TBC1D30: variants seen among roughly 807,000 people sequenced by gnomAD.
TBC1D30 encodes the protein TBC1 domain family member 30.
TBC1D30 carries 31 observed loss-of-function variants against 63.2 expected under a neutral mutation model. The observed-to-expected ratio is 0.49, with a 90% CI of 0.37 to 0.66. The LOEUF is 0.66. Among genes scored for constraint, TBC1D30 ranks in the 30% least tolerant of loss-of-function variants. TBC1D30 has a pLI of 0.00. For missense variants in TBC1D30, 810 were observed against 953.6 expected, an observed-to-expected ratio of 0.85 and a Z score of 1.98; for synonymous variants, 307 against 361.5, an observed-to-expected ratio of 0.85 and a Z score of 1.71.
chr12:64,825,971 G>A (rs1252684378), intron 1 of TBC1D30, among the ~76,000 whole-genome samples: 1 of 152,202 alleles, frequency 6.6e-6, no homozygotes, highest in East Asian at 1.9e-4. Flanking sequence ...GTGGGATGCG[G>A]CACTGCCTTT....
intron 8 of TBC1D30, among the ~76,000 whole-genome samples, chr12:64,853,173 CAG>C (rs1265440647): frequency 6.6e-6 from 1 of 152,190 alleles, no homozygotes; most frequent in Non-Finnish European, 1.5e-5. Context: ...GCCTTTCTTT[CAG>C]AGATACCCTG....
At chr12:64,834,806 T>C (rs1232941928) in intron 5 of TBC1D30, among the ~76,000 whole-genome samples, 1 of 148,054 alleles carries the variant, frequency 6.8e-6, no homozygotes, top group African/African-American at 2.5e-5. Flanking sequence ...ACATCAGACA[T>C]TGAGATGCCT....
intron 2 of TBC1D30, among the ~76,000 whole-genome samples, chr12:64,799,634 A>G (rs1245109583): frequency 6.6e-6 from 1 of 152,246 alleles, no homozygotes; most frequent in Non-Finnish European, 1.5e-5. Flanking sequence ...CTCCAATAAC[A>G]TGCAAGAAGA....
At chr12:64,773,684 G>A in intron 1 of TBC1D30, among the ~76,000 whole-genome samples, 1 of 152,190 alleles carries the variant, frequency 6.6e-6, no homozygotes, top group South Asian at 2.1e-4. Flanking sequence ...GATACTTCCA[G>A]GTACTGGAAA....
chr12:64,824,814 C>T lies in TBC1D30; in HGVS notation c.-66C>T. On this transcript the variant is annotated 5_prime_UTR_variant, in exon 1 of 12. Transcript: ENST00000539867. ...TCACCCAGCTCCGCGAGCTCAGCCG[C>T]TCAGCGAGTGGGGTAGCGGGGACCG... The T allele has an allele frequency of 2.0e-6, 3 of 1,497,318 alleles. No individual in the cohort carries two copies. Among genetic ancestry groups the T allele is most frequent in the Non-Finnish European group, 2.7e-6 (3 of 1,125,920 alleles). 92.8% of individuals were successfully genotyped at this position (1,497,318 alleles called of 1,614,324 possible).
At chr12:64,865,991 T>A (rs1326686216) in intron 9 of TBC1D30, among the ~76,000 whole-genome samples, 3 of 152,126 alleles carry the variant, frequency 2.0e-5, no homozygotes, top group Non-Finnish European at 4.4e-5. Flanking sequence ...CACCTTAGTC[T>A]CCTAAGTAGC....
At chr12:64,788,230 G>C (rs1871714666) in intron 2 of TBC1D30, among the ~76,000 whole-genome samples, 1 of 150,368 alleles carries the variant, frequency 6.7e-6, no homozygotes, top group Non-Finnish European at 1.5e-5. Context: ...TGTGTGATTT[G>C]TGTGTAGCTA....
rs1463745813 is a variant in TBC1D30 at position 64,864,703 on chromosome 12, A to G, written c.1074A>G (p.Gln358=). The G allele has an allele frequency of 9.8e-6, 15 of 1,536,328 alleles. No homozygotes were observed. In the African/African-American group the frequency reaches 1.5e-4, roughly 15 times the overall value. The change falls in exon 9 of 12, where the codon CAA becomes CAG. Residue 358 remains glutamine, a synonymous_variant. Coordinates refer to ENST00000539867, the MANE Select transcript of TBC1D30 (RefSeq NM_015279.2). ...VYSMAPFPFP[Q]LAELREKYTY... is the part of the protein sequence containing the mutation. ...CCATGGCTCCGTTCCCTTTCCCACA[A>G]TTGGCAGAGTTGAGGGAAAAATACA...
intron 2 of TBC1D30, among the ~76,000 whole-genome samples, chr12:64,813,386 TAACAACAACAAC>T (rs201967839): frequency 1.9e-4 from 29 of 151,456 alleles, no homozygotes; most frequent in African/African-American, 6.8e-4. Context: ...CAAGAGTCCA[TAACAACAACAAC>T]AACAACAACA....
At chr12:64,863,720 ACAAT>A (rs1373890170) in intron 8 of TBC1D30, among the ~76,000 whole-genome samples, 1 of 152,246 alleles carries the variant, frequency 6.6e-6, no homozygotes, top group Non-Finnish European at 1.5e-5. Flanking sequence ...AAGAAGCATC[ACAAT>A]CAAACTCCTT....
intron 2 of TBC1D30, among the ~76,000 whole-genome samples, chr12:64,788,192 GGTGTGT>G (rs61697442): frequency 2.8e-4 from 41 of 145,048 alleles, no homozygotes; most frequent in African/African-American, 7.1e-4. Flanking sequence ...GGTGTGTAGG[GGTGTGT>G]GTGTGTGTGT....
At chr12:64,832,931 A>C (rs1208181075) in intron 5 of TBC1D30, among the ~76,000 whole-genome samples, 2 of 152,182 alleles carry the variant, frequency 1.3e-5, no homozygotes, top group African/African-American at 2.4e-5. Flanking sequence ...AGCAAGGCAA[A>C]AGAGTTTAAG....
intron 8 of TBC1D30, among the ~76,000 whole-genome samples, chr12:64,855,566 T>C (rs1877230237): frequency 6.6e-6 from 1 of 152,232 alleles, no homozygotes; most frequent in Non-Finnish European, 1.5e-5. Flanking sequence ...TAGCCTGTCT[T>C]CAAGCTCACT....
chr12:64,793,531 G>T (rs146046353), intron 2 of TBC1D30, among the ~76,000 whole-genome samples: 1 of 150,118 alleles, frequency 6.7e-6, no homozygotes, highest in South Asian at 2.1e-4. Flanking sequence ...GTGGTGGCAC[G>T]CACCTGTAAT....
chr12:64,833,159 A>C (rs1875023082), intron 5 of TBC1D30, among the ~76,000 whole-genome samples: 1 of 152,166 alleles, frequency 6.6e-6, no homozygotes, highest in Non-Finnish European at 1.5e-5. Context: ...ATTTGGAGCA[A>C]GATATGGAGG....
At chr12:64,791,598 T>C (rs1871923475) in intron 2 of TBC1D30, among the ~76,000 whole-genome samples, 1 of 152,140 alleles carries the variant, frequency 6.6e-6, no homozygotes, top group Admixed American at 6.6e-5. Context: ...CATTGCAACC[T>C]ATGCCTCCTG....
At chr12:64,812,399 G>A (rs908662418) in intron 2 of TBC1D30, among the ~76,000 whole-genome samples, 8 of 152,036 alleles carry the variant, frequency 5.3e-5, no homozygotes, top group African/African-American at 1.4e-4. Context: ...CTATATTTGC[G>A]CATCTCTGTT....
intron 8 of TBC1D30, among the ~76,000 whole-genome samples, chr12:64,850,114 A>T (rs1876738985): frequency 6.6e-6 from 1 of 152,194 alleles, no homozygotes; most frequent in Admixed American, 6.5e-5. Context: ...ATTTTTGCAC[A>T]TTGATTTTAT....
At chr12:64,780,919 T>C in exon 1 of TBC1D30, 1 of 1,039,356 alleles carries the variant, frequency 9.6e-7, no homozygotes, top group Non-Finnish European at 1.2e-6. Context: ...AAACGATTCC[T>C]GCAGCTCCCC....
Sources: allele counts gnomAD v4.1 joint callset (sites outside exome capture counted in the v4.1 genomes callset), GRCh38; gene constraint gnomAD v4.1.1; transcripts MANE v1.5; gene names NCBI Gene and HGNC (gene_info 2026-07-23, HGNC 2026-07-21).